Variants in TYW1B observed in about 807,000 individuals in gnomAD.
TYW1B encodes S-adenosyl-L-methionine-dependent tRNA 4-demethylwyosine synthase TYW1B.
In TYW1B, 73 loss-of-function variants were observed where a neutral mutation model predicts 86.9. The observed-to-expected ratio is 0.84, with a 90% CI of 0.70 to 1.02. TYW1B has a LOEUF of 1.02. Ranked by LOEUF, TYW1B falls within the 50% of genes least tolerant of loss-of-function variation. The pLI, the probability that TYW1B is intolerant of heterozygous loss-of-function variation, is 0.00. For missense variants in TYW1B, 637 were observed against 827.4 expected (o/e 0.77, Z 2.82); for synonymous variants, 248 against 292.8 (o/e 0.85, Z 1.56).
At chr7:72,736,724 T>C (rs1468317427) in intron 8 of TYW1B, among the ~76,000 whole-genome samples, 3 of 152,204 alleles carry the variant, frequency 2.0e-5, no homozygotes, top group Non-Finnish European at 4.4e-5. Context: ...AATCTTACTA[T>C]AGATGCAGCC....
At chr7:72,782,325 C>G (rs572264190) in intron 6 of TYW1B, among the ~76,000 whole-genome samples, 2 of 151,982 alleles carry the variant, frequency 1.3e-5, no homozygotes, top group Non-Finnish European at 2.9e-5. Flanking sequence ...CATACAATAC[C>G]ACTTAATTCA....
intron 6 of TYW1B, among the ~76,000 whole-genome samples, chr7:72,783,015 G>C (rs1429003195): frequency 6.6e-6 from 1 of 152,196 alleles, no homozygotes; most frequent in Non-Finnish European, 1.5e-5. Flanking sequence ...ATGAAGAAAT[G>C]CCTCAAAACT....
chr7:72,758,646 G>C (rs1395073162), intron 7 of TYW1B, among the ~76,000 whole-genome samples: 1 of 152,114 alleles, frequency 6.6e-6, no homozygotes, highest in Non-Finnish European at 1.5e-5. Context: ...CTCTCAGTCT[G>C]AGCCTCCTTC....
At chr7:72,724,125 AC>A (rs781829943) in intron 9 of TYW1B, among the ~76,000 whole-genome samples, 9 of 152,160 alleles carry the variant, frequency 5.9e-5, no homozygotes, top group Non-Finnish European at 1.0e-4. Flanking sequence ...ACAAATAGTC[AC>A]CAGGGCTCCA....
intron 6 of TYW1B, among the ~76,000 whole-genome samples, chr7:72,788,263 G>A (rs2129572235): frequency 6.6e-6 from 1 of 152,238 alleles, no homozygotes; most frequent in African/African-American, 2.4e-5. Flanking sequence ...ACAGGAGTGA[G>A]CCACTGCACC....
intron 13 of TYW1B, among the ~76,000 whole-genome samples, chr7:72,576,599 G>A (rs1811027750): frequency 6.9e-6 from 1 of 144,772 alleles, no homozygotes; most frequent in Non-Finnish European, 1.5e-5. Context: ...TGCAAGCTCC[G>A]CCTCCTGCGT....
Position 72,671,343 on chromosome 7 carries a change from A to C in TYW1B, c.1506+23344T>G, listed in dbSNP as rs547392403. On this transcript the variant is annotated intron_variant, in intron 11 of 13. Coordinates refer to ENST00000620995, the MANE Select transcript of TYW1B (RefSeq NM_001145440.3). ...AGACACTTGGGTCAAAACCAATTCAATGTGTGGTTGAACCATAACTTATTT... is the reference window on the plus strand; with the variant it reads ...AGACACTTGGGTCAAAACCAATTCACTGTGTGGTTGAACCATAACTTATTT... 3.4e-3 allele frequency among the ~76,000 whole-genome samples: 511 copies of C among 152,298 alleles called. 2 individuals are homozygous for C. Among genetic ancestry groups the C allele is most frequent in the African/African-American group, 0.012 (488 of 41,564 alleles).
At chr7:72,618,476 C>T (rs1812134869) in intron 12 of TYW1B, among the ~76,000 whole-genome samples, 1 of 152,072 alleles carries the variant, frequency 6.6e-6, no homozygotes, top group African/African-American at 2.4e-5. Context: ...CTCGGCCTCC[C>T]ATGTGCTGGG....
At chr7:72,637,173 T>C (rs1554440875) in intron 11 of TYW1B, among the ~76,000 whole-genome samples, 2 of 152,272 alleles carry the variant, frequency 1.3e-5, no homozygotes, top group East Asian at 1.9e-4. Flanking sequence ...AGTGCTACTA[T>C]TCCTCTCTGG....
chr7:72,824,420 C>A (rs1398224536), intron 2 of TYW1B, among the ~76,000 whole-genome samples: 2 of 152,034 alleles, frequency 1.3e-5, no homozygotes, highest in Non-Finnish European at 2.9e-5. Context: ...GACAAGATTG[C>A]AAGATCTTGT....
At chr7:72,635,669 G>A (rs1434584197) in intron 11 of TYW1B, among the ~76,000 whole-genome samples, 1 of 152,180 alleles carries the variant, frequency 6.6e-6, no homozygotes, top group Non-Finnish European at 1.5e-5. Context: ...TTTAGAATCA[G>A]CTTACTAATT....
At chr7:72,694,845 G>C in intron 10 of TYW1B, 23 bp from the exon 11 acceptor site, 1 of 1,578,340 alleles carries the variant, frequency 6.3e-7, no homozygotes, top group Non-Finnish European at 8.5e-7. Flanking sequence ...TTTTTTTAAA[G>C]GAAGAAAGAA....
rs1260021681 is a variant in TYW1B at position 72,598,765 on chromosome 7, G to C, written c.1785+17907C>G. 2.6e-5 allele frequency among the ~76,000 whole-genome samples: 4 copies of C among 152,260 alleles called. No individual in the cohort carries two copies. In the South Asian group the frequency reaches 8.3e-4, roughly 32 times the overall value. On this transcript the variant is annotated intron_variant, in intron 13 of 13. Transcript: ENST00000620995. ...TTTGGGACTTGTGACTGCGTCAAGT[G>C]GGGGTGGGTGCTTGAGCTAATCTGG...
chr7:72,585,422 C>T (rs1274713150), intron 13 of TYW1B, among the ~76,000 whole-genome samples: 9 of 152,186 alleles, frequency 5.9e-5, no homozygotes, highest in East Asian at 1.9e-4. Flanking sequence ...TATTCCTCCA[C>T]GTAACACTAT....
chr7:72,734,796 C>T (rs1455903510), intron 8 of TYW1B, among the ~76,000 whole-genome samples: 4 of 151,594 alleles, frequency 2.6e-5, no homozygotes, highest in Admixed American at 6.6e-5. Context: ...TTTAAAAGGT[C>T]GAATGATGTA....
chr7:72,616,287 A>C (rs1191245997), intron 13 of TYW1B, among the ~76,000 whole-genome samples: 4 of 152,234 alleles, frequency 2.6e-5, no homozygotes, highest in Non-Finnish European at 5.9e-5. Flanking sequence ...CTAAAATTTG[A>C]TAGATACCTC....
chr7:72,583,938 G>A (rs1459317797), intron 13 of TYW1B, among the ~76,000 whole-genome samples: 4 of 152,262 alleles, frequency 2.6e-5, no homozygotes, highest in African/African-American at 9.6e-5. Context: ...TAAAGAGACC[G>A]TGGCCATTAC....
At chr7:72,750,761 AGT>A (rs1435094747) in intron 7 of TYW1B, among the ~76,000 whole-genome samples, 1 of 152,166 alleles carries the variant, frequency 6.6e-6, no homozygotes, top group East Asian at 1.9e-4. Flanking sequence ...TGGGACCAGT[AGT>A]GTTTCAGATT....
chr7:72,655,459 C>A (rs71553255), intron 11 of TYW1B, among the ~76,000 whole-genome samples: 3 of 152,134 alleles, frequency 2.0e-5, no homozygotes, highest in East Asian at 1.9e-4. Context: ...TGCCCTGGAG[C>A]CCAATAGCCC....
Sources: allele counts gnomAD v4.1 joint callset (sites outside exome capture counted in the v4.1 genomes callset), GRCh38; gene constraint gnomAD v4.1.1; transcripts MANE v1.5; gene names NCBI Gene and HGNC (gene_info 2026-07-23, HGNC 2026-07-21).